The following PAK5 variants were observed in gnomAD, a reference collection of about 807,000 sequenced individuals.
PAK5 encodes p21 (RAC1) activated kinase 5, also known as serine/threonine-protein kinase PAK 5.
PAK5 carries 16 observed loss-of-function variants against 65.9 expected under a neutral mutation model. The ratio of observed to expected loss-of-function variants is 0.24; its 90% CI spans 0.16 to 0.37. The LOEUF is 0.37. PAK5 is among the 10% of genes least tolerant of loss of function. PAK5 has a pLI of 1.00. For missense variants in PAK5, 785 were observed against 903.9 expected, an observed-to-expected ratio of 0.87 and a Z score of 1.69; for synonymous variants, 371 against 354.9, an observed-to-expected ratio of 1.05 and a Z score of -0.51.
At chr20:9,830,597 T>C (rs1181277083) in intron 1 of PAK5, among the ~76,000 whole-genome samples, 2 of 152,216 alleles carry the variant, frequency 1.3e-5, no homozygotes, top group Admixed American at 6.5e-5. Flanking sequence ...TGCTTCATTG[T>C]TTCTTTCAGA....
chr20:9,566,103 G>C lies in PAK5; in HGVS notation c.1272C>G (p.Pro424=), dbSNP rs1230056125. The C allele has an allele frequency of 6.2e-7, 1 of 1,613,950 alleles. No homozygotes were observed. The highest frequency in any genetic ancestry group is 2.2e-5 in the East Asian group (1 of 44,842). ...PSWGSSSDQQ[P]SRVSHEQFRA... ...GAAACTGTTCATGGGACACCCTGGA[G>C]GGCTGCTGGTCGGAGGAGGAGCCCC... Residue 424 remains proline, a synonymous_variant, in exon 5 of 10, where the codon CCC becomes CCG. Transcript: ENST00000353224.
chr20:9,781,752 C>T (rs187798079), intron 1 of PAK5, among the ~76,000 whole-genome samples: 60 of 152,200 alleles, frequency 3.9e-4, no homozygotes, highest in Admixed American at 6.5e-4. Flanking sequence ...TCCCATGCCT[C>T]AGGGAATCCT....
chr20:9,553,827 T>C (rs773446246), intron 7 of PAK5, among the ~76,000 whole-genome samples: 1 of 152,212 alleles, frequency 6.6e-6, no homozygotes, highest in Non-Finnish European at 1.5e-5. Context: ...TGTACATGTT[T>C]CTGTGGGAAA....
chr20:9,672,192 C>A (rs1442090873), intron 2 of PAK5, among the ~76,000 whole-genome samples: 12 of 151,480 alleles, frequency 7.9e-5, no homozygotes, highest in Admixed American at 7.3e-4. Context: ...AAATAATTTC[C>A]ATGAAAATTT....
At chr20:9,541,100 T>C (rs546597335) in intron 9 of PAK5, among the ~76,000 whole-genome samples, 2 of 152,272 alleles carry the variant, frequency 1.3e-5, no homozygotes, top group South Asian at 2.1e-4. Flanking sequence ...TTTGTTTATG[T>C]TTTTGTAGGT....
intron 3 of PAK5, among the ~76,000 whole-genome samples, chr20:9,600,389 T>C (rs1361849408): frequency 2.6e-5 from 4 of 152,230 alleles, no homozygotes; most frequent in Admixed American, 6.5e-5. Context: ...TAAAAAACAC[T>C]GTTGACATTT....
chr20:9,745,955 C>T (rs994827043), intron 1 of PAK5, among the ~76,000 whole-genome samples: 3 of 151,910 alleles, frequency 2.0e-5, no homozygotes, highest in Non-Finnish European at 4.4e-5. Context: ...CTTTTTCTCC[C>T]CTAAAAATCA....
At chr20:9,791,731 G>A (rs889881487) in intron 1 of PAK5, among the ~76,000 whole-genome samples, 1 of 152,054 alleles carries the variant, frequency 6.6e-6, no homozygotes. Context: ...TAAGGCCAAT[G>A]GGCTGGTGAT....
Position 9,539,345 on chromosome 20 carries a change from C to T in PAK5, c.*117G>A, listed in dbSNP as rs1341837356. 3.2e-6 allele frequency: 3 copies of T among 952,240 alleles called. No individual in the cohort carries two copies. The highest frequency in any genetic ancestry group is 4.9e-6 in the Non-Finnish European group (3 of 613,398). 59.0% of individuals were successfully genotyped at this position (952,240 alleles called of 1,614,324 possible). ...TGAACCCTGCCGGTCATCACGCTGTCCCACCAATTGGCTGGTCTAGAATGC... is the reference window on the plus strand; with the variant it reads ...TGAACCCTGCCGGTCATCACGCTGTTCCACCAATTGGCTGGTCTAGAATGC... On this transcript the variant is annotated 3_prime_UTR_variant, in exon 10 of 10. Transcript: ENST00000353224.
chr20:9,543,576 T>G (rs536439114), intron 8 of PAK5, among the ~76,000 whole-genome samples: 2 of 152,252 alleles, frequency 1.3e-5, no homozygotes, highest in East Asian at 3.9e-4. Context: ...CTGCCTTAAC[T>G]TATGCTGATG....
chr20:9,590,973 T>C (rs1028644374), intron 3 of PAK5, among the ~76,000 whole-genome samples: 15 of 152,208 alleles, frequency 9.9e-5, no homozygotes, highest in African/African-American at 3.6e-4. Flanking sequence ...CCTCATGCCC[T>C]GTCCTCCATA....
At chr20:9,641,796 G>T (rs1021258422) in intron 3 of PAK5, among the ~76,000 whole-genome samples, 1 of 152,130 alleles carries the variant, frequency 6.6e-6, no homozygotes, top group Admixed American at 6.5e-5. Context: ...GGCACTGCTG[G>T]GGGACTCAGT....
chr20:9,731,748 T>C (rs2048337225), intron 1 of PAK5, among the ~76,000 whole-genome samples: 1 of 152,206 alleles, frequency 6.6e-6, no homozygotes. Flanking sequence ...AGTATGTTAA[T>C]GGAAATTGGC....
At chr20:9,547,020 T>A (rs2045355365) in intron 7 of PAK5, among the ~76,000 whole-genome samples, 1 of 152,172 alleles carries the variant, frequency 6.6e-6, no homozygotes, top group Non-Finnish European at 1.5e-5. Flanking sequence ...TTTGCAGGTC[T>A]AATTAGTGAA....
intron 3 of PAK5, among the ~76,000 whole-genome samples, chr20:9,608,730 A>G (rs1200084396): frequency 2.0e-5 from 3 of 152,260 alleles, no homozygotes; most frequent in Non-Finnish European, 4.4e-5. Context: ...GAATTAATTT[A>G]TAGGAAGCTG....
chr20:9,809,658 T>A (rs1443965960), intron 1 of PAK5, among the ~76,000 whole-genome samples: 1 of 152,220 alleles, frequency 6.6e-6, no homozygotes, highest in Admixed American at 6.5e-5. Flanking sequence ...GTCAAACATT[T>A]CTTAAACTAT....
chr20:9,539,328 G>A lies in PAK5; in HGVS notation c.*134C>T. ...AAGATGCCCTGGTCTGTTGAACCCT[G>A]CCGGTCATCACGCTGTCCCACCAAT... is the stretch of plus-strand genomic sequence containing the variant. On this transcript the variant is annotated 3_prime_UTR_variant, in exon 10 of 10. Transcript: ENST00000353224. 2 of 799,600 alleles carry A rather than the reference G, an allele frequency of 2.5e-6. No individual in the cohort carries two copies. The highest frequency in any genetic ancestry group is 3.4e-5 in the South Asian group (2 of 59,552). 49.5% of individuals were successfully genotyped at this position (799,600 alleles called of 1,614,324 possible).
intron 1 of PAK5, among the ~76,000 whole-genome samples, chr20:9,740,271 T>C (rs1175287825): frequency 6.6e-6 from 1 of 152,172 alleles, no homozygotes; most frequent in Non-Finnish European, 1.5e-5. Context: ...GTGAAGGCTC[T>C]AAATACCAGG....
At chr20:9,693,468 C>CCT (rs146052345) in intron 2 of PAK5, among the ~76,000 whole-genome samples, 4 of 149,556 alleles carry the variant, frequency 2.7e-5, no homozygotes, top group African/African-American at 7.3e-5. Context: ...CCTTTCTCTC[C>CCT]CTCTCTCTCT....
Sources: gnomAD v4.1 joint callset for allele counts (sites outside exome capture counted in the v4.1 genomes callset) on GRCh38, gnomAD v4.1.1 for gene constraint, MANE v1.5 for transcripts, NCBI Gene and HGNC (gene_info 2026-07-23, HGNC 2026-07-21) for gene names.